The following FRMD3 variants were observed in gnomAD, a reference collection of about 807,000 sequenced individuals.
FRMD3 encodes the protein FERM domain containing 3, also known as FERM domain-containing protein 3.
Under a neutral mutation model 70.2 loss-of-function variants are expected in FRMD3, and 33 were observed. The ratio of observed to expected loss-of-function variants is 0.47; its 90% CI spans 0.36 to 0.63. The LOEUF is 0.63. Among genes scored for constraint, FRMD3 ranks in the 20% least tolerant of loss-of-function variants. The pLI, the probability that FRMD3 is intolerant of heterozygous loss-of-function variation, is 0.00. For missense variants in FRMD3, 632 were observed against 711.4 expected (o/e 0.89, Z 1.27); for synonymous variants, 279 against 255.9 (o/e 1.09, Z -0.86).
chr9:83,395,546 T>A, intron 1 of FRMD3, among the ~76,000 whole-genome samples: 1 of 152,136 alleles, frequency 6.6e-6, no homozygotes, highest in East Asian at 1.9e-4. Flanking sequence ...TGTGTTCTCA[T>A]CATTTAGCTC....
intron 13 of FRMD3, among the ~76,000 whole-genome samples, chr9:83,277,259 TTGTC>T (rs1833823331): frequency 2.0e-5 from 3 of 152,234 alleles, no homozygotes; most frequent in African/African-American, 7.2e-5. Context: ...ATTATAAAAA[TTGTC>T]AGTAATATAT....
rs1214825484 is a variant in FRMD3 at position 83,244,989 on chromosome 9, ATATT to A, written c.*2925_*2928del. 6 of 981,502 alleles carry A rather than the reference ATATT, an allele frequency of 6.1e-6. No individual in the cohort carries two copies. Among genetic ancestry groups the A allele is most frequent in the African/African-American group, 5.3e-5 (3 of 57,134 alleles). 60.8% of individuals were successfully genotyped at this position (981,502 alleles called of 1,614,324 possible). ...TGCCATATGTGTGTGTGTATTATAT[ATATT>A]TATTTATATCCACAAATGTACACTC... On this transcript the variant is annotated 3_prime_UTR_variant, in exon 14 of 14. Coordinates refer to ENST00000304195, the MANE Select transcript of FRMD3 (RefSeq NM_174938.6).
At chr9:83,558,727 T>G in the FRMD3 span, among the ~76,000 whole-genome samples, 4 of 152,310 alleles carry the variant, frequency 2.6e-5, no homozygotes, top group African/African-American at 9.6e-5. Context: ...CCATTCTAGA[T>G]GCCATTAAGA....
At chr9:83,414,323 TA>T (rs1053972148) in intron 1 of FRMD3, among the ~76,000 whole-genome samples, 2 of 152,120 alleles carry the variant, frequency 1.3e-5, no homozygotes, top group Admixed American at 6.5e-5. Flanking sequence ...AAGCTGTTTT[TA>T]AAAAAATCAA....
In FRMD3 at chr9:83,492,537, C is replaced by T. The variant is rs186643838; in HGVS notation, c.147+45548G>A. Among the ~76,000 whole-genome samples, 28 of 152,312 alleles carry T rather than the reference C, an allele frequency of 1.8e-4. No individual in the cohort carries two copies. The East Asian group carries it at 4.3e-3, about 23-fold the overall frequency. On this transcript the variant is annotated intron_variant, in intron 1 of 13. Coordinates refer to ENST00000304195, the MANE Select transcript of FRMD3 (RefSeq NM_174938.6). The stretch of plus-strand genomic sequence containing the variant: ...CGCCCGTGCTCCCCTGGGGCCAGGG[C>T]AGGCAGGAGGAACGGGGGAGCAGGA...
chr9:83,473,675 G>A lies in FRMD3; in HGVS notation c.147+64410C>T, dbSNP rs548069318. On this transcript the variant is annotated intron_variant, in intron 1 of 13. Coordinates refer to ENST00000304195, the MANE Select transcript of FRMD3 (RefSeq NM_174938.6). ...AAGAATAACATGGAGAGGAGGAAGA[G>A]GGCGAATGCACGGGCTAGCTAGTGA... 2.0e-5 allele frequency among the ~76,000 whole-genome samples: 3 copies of A among 152,304 alleles called. No homozygotes were observed. The South Asian group carries it at 6.2e-4, about 32-fold the overall frequency.
intron 4 of FRMD3, among the ~76,000 whole-genome samples, chr9:83,345,789 T>A (rs1823938241): frequency 6.6e-6 from 1 of 151,420 alleles, no homozygotes. Context: ...AATTAATTAA[T>A]TAATTAAGTT....
intron 13 of FRMD3, among the ~76,000 whole-genome samples, 177 bp downstream of exon 13, chr9:83,290,426 C>T (rs1457372082): frequency 6.6e-6 from 1 of 152,144 alleles, no homozygotes; most frequent in African/African-American, 2.4e-5. Context: ...ACTAATAGAG[C>T]TCCCAGTATA....
At chr9:83,498,187 G>A (rs1022234325) in intron 1 of FRMD3, among the ~76,000 whole-genome samples, 2 of 151,736 alleles carry the variant, frequency 1.3e-5, no homozygotes, top group African/African-American at 2.4e-5. Flanking sequence ...AAAAAAATTT[G>A]TTGTCACAGC....
chr9:83,267,605 A>AG (rs940629123), intron 13 of FRMD3, among the ~76,000 whole-genome samples: 6 of 152,236 alleles, frequency 3.9e-5, no homozygotes, highest in Admixed American at 1.3e-4. Context: ...CACTTCAAAG[A>AG]GGGAAAAAAA....
At chr9:83,366,286 C>T (rs767176817) in intron 3 of FRMD3, among the ~76,000 whole-genome samples, 1 of 152,078 alleles carries the variant, frequency 6.6e-6, no homozygotes, top group Non-Finnish European at 1.5e-5. Context: ...CTAGGAGATC[C>T]TAGGCCAGGT....
In FRMD3 at chr9:83,311,986, A is replaced by G. The variant is rs201290713; in HGVS notation, c.685-11T>C. The G allele has an allele frequency of 3.3e-4, 515 of 1,569,406 alleles. No individual in the cohort carries two copies. The African/African-American group carries it at 4.2e-3, about 13-fold the overall frequency. On this transcript the variant is annotated splice_polypyrimidine_tract_variant and intron_variant, in intron 7 of 13. Transcript: ENST00000304195. The stretch of plus-strand genomic sequence containing the variant: ...TGTGCCTGTTGAATCCTGAAAAAAA[A>G]AAAAAAGAAAAAAGAAAAATCTGTT...
intron 1 of FRMD3, among the ~76,000 whole-genome samples, chr9:83,494,852 TGTGTGTGCGCGCGC>T (rs1828904783): frequency 1.4e-5 from 2 of 147,814 alleles, no homozygotes; most frequent in Admixed American, 6.7e-5. Flanking sequence ...TGTGTGTGTG[TGTGTGTGCGCGCGC>T]GCATGTGCGT....
At chr9:83,314,367 T>C (rs1835481208) in intron 6 of FRMD3, among the ~76,000 whole-genome samples, 1 of 152,204 alleles carries the variant, frequency 6.6e-6, no homozygotes, top group Admixed American at 6.5e-5. Flanking sequence ...AGAAAGACTA[T>C]GCAACATTTC....
chr9:83,286,105 A>G (rs1834198507), intron 13 of FRMD3, among the ~76,000 whole-genome samples: 1 of 152,122 alleles, frequency 6.6e-6, no homozygotes, highest in Admixed American at 6.5e-5. Flanking sequence ...GGGCAATAAC[A>G]CTCTGCCCAG....
intron 1 of FRMD3, among the ~76,000 whole-genome samples, chr9:83,526,780 T>G (rs1829692149): frequency 6.6e-6 from 1 of 152,240 alleles, no homozygotes; most frequent in Non-Finnish European, 1.5e-5. Context: ...AAATGTTTAT[T>G]GAATAAGATT....
intron 1 of FRMD3, among the ~76,000 whole-genome samples, chr9:83,513,919 G>A (rs1829394571): frequency 1.3e-5 from 2 of 152,184 alleles, no homozygotes; most frequent in Admixed American, 6.5e-5. Context: ...TTGAAGAATG[G>A]TGCATTCTGG....
chr9:83,574,652 T>C, the FRMD3 span, among the ~76,000 whole-genome samples: 1 of 152,140 alleles, frequency 6.6e-6, no homozygotes, highest in African/African-American at 2.4e-5. Flanking sequence ...GGGAAACTAT[T>C]AATAGAATGT....
chr9:83,256,097 A>G (rs1445674996), intron 13 of FRMD3, among the ~76,000 whole-genome samples: 1 of 152,238 alleles, frequency 6.6e-6, no homozygotes, highest in African/African-American at 2.4e-5. Context: ...AGCTGGAGGC[A>G]TCATGCTACC....
Sources: allele counts gnomAD v4.1 joint callset (sites outside exome capture counted in the v4.1 genomes callset), GRCh38; gene constraint gnomAD v4.1.1; transcripts MANE v1.5; gene names NCBI Gene and HGNC (gene_info 2026-07-23, HGNC 2026-07-21).